Variants in SMG5 observed in about 807,000 individuals in gnomAD.
The protein encoded by SMG5 is SMG5 nonsense mediated mRNA decay factor.
In SMG5, 53 loss-of-function variants were observed where a neutral mutation model predicts 122.9. The ratio of observed to expected loss-of-function variants is 0.43; its 90% confidence interval spans 0.35 to 0.54. SMG5 has a LOEUF of 0.54. SMG5 is among the 20% of genes least tolerant of loss of function. The pLI, the probability that SMG5 is intolerant of heterozygous loss-of-function variation, is 0.01. For synonymous variants in SMG5, 477 were observed against 490.2 expected (o/e 0.97, Z 0.35); for missense variants, 1,153 against 1,285.6 (o/e 0.90, Z 1.58).
chr1:156,276,707 C>A lies in SMG5; in HGVS notation c.454+378G>T, dbSNP rs188120040. ...GTTGAAAGACTGTCCACAATTTTCC[C>A]AACATATCTAAAGATTTCAAAACTT... On this transcript the variant is annotated intron_variant, in intron 4 of 21. Coordinates refer to ENST00000361813, the MANE Select transcript of SMG5 (RefSeq NM_015327.3). 2.9e-4 allele frequency among the ~76,000 whole-genome samples: 44 copies of A among 152,314 alleles called. No homozygotes were observed. In the East Asian group the frequency reaches 7.3e-3, roughly 25 times the overall value.
At chr1:156,282,577 T>A (rs759324768) in intron 1 of SMG5, 30 bp downstream of exon 1, 1 of 1,592,000 alleles carries the variant, frequency 6.3e-7, no homozygotes, top group East Asian at 2.3e-5. Flanking sequence ...CTTCCCTCGG[T>A]GGCTGCTCTC....
chr1:156,251,509 A>T, intron 19 of SMG5, 32 bp from the exon 20 acceptor site: 1 of 1,610,644 alleles, frequency 6.2e-7, no homozygotes, highest in Non-Finnish European at 8.5e-7. Flanking sequence ...GGAGGTCAGG[A>T]GCAGGAGACT....
chr1:156,259,297 A>G, intron 15 of SMG5, 134 bp from the exon 16 acceptor site: 1 of 931,872 alleles, frequency 1.1e-6, no homozygotes, highest in Non-Finnish European at 1.5e-6. Context: ...GCTCCAGGGG[A>G]AGATTTGTGG....
In SMG5 at chr1:156,261,424, G is replaced by A; in HGVS notation, c.2032-16C>T. 1.9e-6 allele frequency: 3 copies of A among 1,610,874 alleles called. No homozygotes were observed. Among genetic ancestry groups the A allele is most frequent in the African/African-American group, 1.3e-5 (1 of 74,936 alleles). On this transcript the variant is annotated splice_polypyrimidine_tract_variant and intron_variant, in intron 13 of 21. Coordinates refer to ENST00000361813, the MANE Select transcript of SMG5 (RefSeq NM_015327.3). ...TTTGAGAGCTCTGGGGAGAGAGAAG[G>A]GAGAGGAGGCCTTCAGCTAGAGACA... is the stretch of plus-strand genomic sequence containing the variant.
chr1:156,254,738 C>A (rs12024813), intron 16 of SMG5, among the ~76,000 whole-genome samples: 34,371 of 151,974 alleles, frequency 0.23, 4,540 homozygotes, highest in Non-Finnish European at 0.29. Context: ...AGCCACAGCG[C>A]CCAGCCCACT....
At chr1:156,277,575 C>G (rs566168975) in intron 3 of SMG5, among the ~76,000 whole-genome samples, 6 of 149,734 alleles carry the variant, frequency 4.0e-5, no homozygotes, top group African/African-American at 1.5e-4. Context: ...TACAATGGCG[C>G]GATCTCAGCT....
chr1:156,263,393 A>G lies in SMG5; in HGVS notation c.2031+2T>C. 1 of 1,611,362 alleles carries G rather than the reference A, an allele frequency of 6.2e-7. No individual in the cohort carries two copies. Among genetic ancestry groups the G allele is most frequent in the Non-Finnish European group, 8.5e-7 (1 of 1,178,014 alleles). ...CAGGGGCAATGGAGTGGACTGACAC[A>G]CCTGCGCACACACGATGATGAGGTC... On this transcript the variant is annotated splice_donor_variant, in intron 13 of 21. Coordinates refer to ENST00000361813, the MANE Select transcript of SMG5 (RefSeq NM_015327.3). LOFTEE classifies it high-confidence loss of function.
At chr1:156,251,165 G>C in intron 20 of SMG5, 169 bp from the exon 21 acceptor site, 1 of 980,978 alleles carries the variant, frequency 1.0e-6, no homozygotes, top group Non-Finnish European at 1.5e-6. Context: ...AAGGTGCATT[G>C]AGGGAAAACA....
At chr1:156,288,817 A>G in the SMG5 span, among the ~76,000 whole-genome samples, 1 of 152,198 alleles carries the variant, frequency 6.6e-6, no homozygotes, top group Non-Finnish European at 1.5e-5. Context: ...CCCAAAATAA[A>G]TATGTTCCTG....
At chr1:156,266,801 C>CTTTT in intron 10 of SMG5, 123 bp from the exon 11 acceptor site, 1 of 885,906 alleles carries the variant, frequency 1.1e-6, no homozygotes, top group Non-Finnish European at 1.6e-6. Flanking sequence ...ATCAAAGATT[C>CTTTT]TTTTTTTTTT....
chr1:156,274,560 A>G, intron 5 of SMG5, 37 bp downstream of exon 5: 1 of 1,595,426 alleles, frequency 6.3e-7, no homozygotes, highest in Non-Finnish European at 8.6e-7. Context: ...TCGTCCTGTA[A>G]CCCAAAACAG....
At chr1:156,258,812 CCT>C in intron 16 of SMG5, among the ~76,000 whole-genome samples, 191 bp downstream of exon 16, 1 of 151,806 alleles carries the variant, frequency 6.6e-6, no homozygotes, top group Admixed American at 6.6e-5. Flanking sequence ...AAAAAAAACC[CCT>C]CTCAGTCCCT....
chr1:156,259,405 C>G (rs1661718537), intron 15 of SMG5, among the ~76,000 whole-genome samples: 1 of 152,184 alleles, frequency 6.6e-6, no homozygotes, highest in Non-Finnish European at 1.5e-5. Flanking sequence ...ACCAGAAAAC[C>G]AGGACTTGGG....
Position 156,252,509 on chromosome 1 carries a change from T to TG in SMG5, c.2663-6dup, listed in dbSNP as rs764793605. On this transcript the variant is annotated splice_polypyrimidine_tract_variant and splice_region_variant and intron_variant, in intron 18 of 21. Transcript: ENST00000361813. ...GCAAATCCAGGCCATCGATCACTGG[T>TG]GGGCAAGGTAGGGAAAGACAAAACA... 1 of 1,613,738 alleles carries TG rather than the reference T, an allele frequency of 6.2e-7. No homozygotes were observed. Among genetic ancestry groups the TG allele is most frequent in the African/African-American group, 1.3e-5 (1 of 74,840 alleles).
upstream of SMG5, among the ~76,000 whole-genome samples, chr1:156,284,984 G>A (rs1193440067): frequency 6.6e-6 from 1 of 152,138 alleles, no homozygotes; most frequent in African/African-American, 2.4e-5. Context: ...GATGTCGAAA[G>A]GGTGCCTCCA....
chr1:156,282,054 G>C (rs902869832), intron 1 of SMG5, among the ~76,000 whole-genome samples: 15 of 152,162 alleles, frequency 9.9e-5, no homozygotes. Context: ...TCCAGGCCAA[G>C]ACTTTCTCAT....
In SMG5 at chr1:156,272,353, T is replaced by C. The variant is rs151035664; in HGVS notation, c.680A>G (p.Tyr227Cys). The C allele has an allele frequency of 1.8e-4, 281 of 1,601,910 alleles. 4 individuals carry two copies. In the East Asian group the frequency reaches 4.2e-3, roughly 24 times the overall value. Reference sequence around the variant, plus strand: ...GTAGCAATACATGGCTTCCACATTATAGTACTTGCTGCCTGCCAGGGTGCC... The same window carrying C: ...GTAGCAATACATGGCTTCCACATTACAGTACTTGCTGCCTGCCAGGGTGCC... ...QLGTLAGSKYYNVEAMYCYLR... is the reference protein window; with the variant it reads ...QLGTLAGSKYCNVEAMYCYLR... Residue 227 changes from tyrosine (Y) to cysteine (C), a missense_variant, in exon 7 of 22, where the codon TAT (tyrosine) becomes TGT (cysteine). Physicochemically the swap from Tyr to Cys is radical, Grantham distance 194. Around this residue, in one of 5 missense-constraint regions of SMG5, gnomAD observed 85 missense variants for 127.3 expected, o/e 0.67. Transcript: ENST00000361813.
intron 1 of SMG5, among the ~76,000 whole-genome samples, chr1:156,280,792 C>T (rs772272208): frequency 1.3e-5 from 2 of 152,204 alleles, no homozygotes; most frequent in Non-Finnish European, 2.9e-5. Flanking sequence ...AGCTCCTCCA[C>T]TAAACTATAA....
At chr1:156,252,535 G>C in intron 18 of SMG5, 31 bp from the exon 19 acceptor site, 1 of 1,605,870 alleles carries the variant, frequency 6.2e-7, no homozygotes, top group Non-Finnish European at 8.5e-7. Context: ...AGACAAAACA[G>C]ATAAGCTCAG....
Sources: gnomAD v4.1 joint callset for allele counts (sites outside exome capture counted in the v4.1 genomes callset) on GRCh38, gnomAD v4.1.1 for gene constraint, gnomAD v4.1.1 regional missense constraint, MANE v1.5 for transcripts, NCBI Gene and HGNC (gene_info 2026-07-23, HGNC 2026-07-21) for gene names.